Variants in PADI3 observed in about 807,000 individuals in gnomAD.
PADI3 encodes the protein peptidyl arginine deiminase 3.
PADI3 carries 53 observed loss-of-function variants against 71.5 expected under a neutral mutation model. The ratio of observed to expected loss-of-function variants is 0.74; its 90% CI spans 0.59 to 0.93. PADI3 has a LOEUF of 0.93. Among genes scored for constraint, PADI3 ranks in the 40% least tolerant of loss-of-function variants. The probability of loss-of-function intolerance (pLI) is 0.00; values close to 1 mark genes in which losing one functional copy is unlikely to be tolerated. For synonymous variants in PADI3, 361 were observed against 347.5 expected (o/e 1.04, Z -0.43); for missense variants, 821 against 868.0 (o/e 0.95, Z 0.68).
chr1:17,260,185 C>T (rs544899559), intron 2 of PADI3, among the ~76,000 whole-genome samples: 1 of 152,118 alleles, frequency 6.6e-6, no homozygotes. Context: ...AGAGAGAAAG[C>T]AGGGACAGGG....
chr1:17,255,765 C>T lies in PADI3; in HGVS notation c.93-3813C>T, dbSNP rs115713138. Among the ~76,000 whole-genome samples, 1,510 of 152,286 alleles carry T rather than the reference C, an allele frequency of 9.9e-3. 29 individuals are homozygous for T. Among genetic ancestry groups the T allele is most frequent in the African/African-American group, 0.034 (1,420 of 41,546 alleles). ...AAATGAGGGCATGACTTTTGCTCAT[C>T]CTGAGTGCTTTACCCACACTGGTTC... is the stretch of plus-strand genomic sequence containing the variant. On this transcript the variant is annotated intron_variant, in intron 1 of 15. Transcript: ENST00000375460.
intron 13 of PADI3, among the ~76,000 whole-genome samples, chr1:17,278,342 C>A (rs1003440075): frequency 6.6e-6 from 1 of 152,112 alleles, no homozygotes; most frequent in Admixed American, 6.5e-5. Flanking sequence ...AGTCTCCCAC[C>A]GCAGCCTTGC....
intron 15 of PADI3, 68 bp from the exon 16 acceptor site, chr1:17,282,778 C>T (rs1337408527): frequency 4.2e-6 from 5 of 1,189,436 alleles, no homozygotes; most frequent in Non-Finnish European, 6.0e-6. Flanking sequence ...AACCTAGGTC[C>T]TGCAGGTAGA....
At chr1:17,250,625 A>G (rs1020804908) in intron 1 of PADI3, among the ~76,000 whole-genome samples, 14 of 152,022 alleles carry the variant, frequency 9.2e-5, no homozygotes, top group Non-Finnish European at 1.6e-4. Flanking sequence ...CAGTAGGAGG[A>G]GGAAGGGGAT....
rs1296321664 is a variant in PADI3 at position 17,274,751 on chromosome 1, C to A, written c.1272C>A (p.Pro424=). 1 of 1,613,908 alleles carries A rather than the reference C, an allele frequency of 6.2e-7. No individual in the cohort carries two copies. The highest frequency in any genetic ancestry group is 1.1e-5 in the South Asian group (1 of 91,052). ...PPVVANGKEY[P]LGRILIGGNL... ...TGGTGGCCAATGGGAAAGAGTACCC[C>A]CTGGGGAGGATCCTCATTGGGGGCA... Residue 424 remains proline (P), a synonymous_variant, in exon 11 of 16, where the codon CCC becomes CCA. Coordinates refer to ENST00000375460, the MANE Select transcript of PADI3 (RefSeq NM_016233.2).
rs949512300 is a variant in PADI3, at chr1:17,276,650, C to T, written c.1439C>T (p.Ala480Val). ...GATGAGTTTCTGAGCTTTGTCCCTG[C>T]CCCCGATGGGAAGGTAAGAACTTCG... ...HVDEFLSFVPAPDGKGFRMLL... is the reference protein window; with the variant it reads ...HVDEFLSFVPVPDGKGFRMLL... The change falls in exon 12 of 16, where the codon GCC becomes GTC. Residue 480 changes from alanine to valine, a missense_variant. Physicochemically the swap from Ala to Val is moderately conservative, Grantham distance 64 (BLOSUM62 0). Transcript: ENST00000375460. 3 of 1,613,910 alleles carry T rather than the reference C, an allele frequency of 1.9e-6. No individual in the cohort carries two copies. The African/African-American group carries it at 4.0e-5, about 22-fold the overall frequency.
At chr1:17,276,172 T>C (rs2073327449) in intron 11 of PADI3, among the ~76,000 whole-genome samples, 1 of 152,048 alleles carries the variant, frequency 6.6e-6, no homozygotes, top group Non-Finnish European at 1.5e-5. Context: ...CCATCTCTAG[T>C]AAAAATACAG....
In PADI3 at chr1:17,281,838, C is replaced by T. The variant is rs112124228; in HGVS notation, c.1762-1008C>T. On this transcript the variant is annotated intron_variant, in intron 15 of 15. Transcript: ENST00000375460. ...GTCCTGATTCAGCAGGTCTAAAGCA[C>T]GGCCCGAGGCACTGCTGCCGCGCTA... Among the ~76,000 whole-genome samples the T allele has an allele frequency of 2.2e-3, 329 of 152,308 alleles. 2 individuals carry two copies. The highest frequency in any genetic ancestry group is 7.4e-3 in the African/African-American group (308 of 41,574).
In PADI3 at chr1:17,282,935, G is replaced by A; in HGVS notation, c.1851G>A (p.Val617=). Residue 617 remains valine (V), a synonymous_variant, in exon 16 of 16, where the codon GTG becomes GTA. Transcript: ENST00000375460. ...GCTGCTGCTGCCTGGAGGAGAAGGT[G>A]CGGTCCCTGCTGGAGCCGCTGGGCC... ...INGCCCLEEK[V]RSLLEPLGLH... 1.9e-6 allele frequency: 3 copies of A among 1,614,170 alleles called. No individual in the cohort carries two copies. Among genetic ancestry groups the A allele is most frequent in the Non-Finnish European group, 1.7e-6 (2 of 1,180,002 alleles).
intron 3 of PADI3, 29 bp downstream of exon 3, chr1:17,262,234 GC>G: frequency 6.5e-7 from 1 of 1,534,958 alleles, no homozygotes; most frequent in Non-Finnish European, 8.9e-7. Context: ...TGATGGTGTG[GC>G]CAAGGGCACA....
chr1:17,256,763 G>A (rs75200819), intron 1 of PADI3, among the ~76,000 whole-genome samples: 10,539 of 152,244 alleles, frequency 0.069, 461 homozygotes, highest in African/African-American at 0.11. Flanking sequence ...TCAGCCAGGC[G>A]CGGTGGCTCG....
chr1:17,282,122 G>A (rs760254767), intron 15 of PADI3, among the ~76,000 whole-genome samples: 1 of 152,068 alleles, frequency 6.6e-6, no homozygotes, highest in African/African-American at 2.4e-5. Flanking sequence ...TCCTGTTCGA[G>A]GCTATCTTGT....
At position 17,270,962 on chromosome 1, in the gene PADI3, C is replaced by G; in HGVS notation, c.915C>G (p.Pro305=). 10 of 1,614,092 alleles carry G rather than the reference C, an allele frequency of 6.2e-6. No homozygotes were observed. Among genetic ancestry groups the G allele is most frequent in the Non-Finnish European group, 8.5e-6 (10 of 1,179,984 alleles). ...PWIMTPSTLP[P]LEVYVCRVRN... ...TCATGACGCCCAGCACTCTGCCACCCCTAGAGGTGTATGTGTGCCGGTGAG... is the reference window on the plus strand; with the variant it reads ...TCATGACGCCCAGCACTCTGCCACCGCTAGAGGTGTATGTGTGCCGGTGAG... The change falls in exon 8 of 16, where the codon CCC becomes CCG. Residue 305 remains proline (P), a synonymous_variant. Transcript: ENST00000375460.
At chr1:17,265,278 ACATCTGTTTGACAC>A (rs1162907882) in intron 3 of PADI3, among the ~76,000 whole-genome samples, 1 of 152,116 alleles carries the variant, frequency 6.6e-6, no homozygotes, top group Non-Finnish European at 1.5e-5. Flanking sequence ...GTTTGTGTTC[ACATCTGTTTGACAC>A]CAAAGTCCAG....
intron 11 of PADI3, among the ~76,000 whole-genome samples, chr1:17,275,891 T>A (rs3003435): frequency 0.21 from 31,536 of 152,054 alleles, 3,527 homozygotes; most frequent in African/African-American, 0.3. Context: ...AACATGGGGG[T>A]GAAATCTGTC....
At chr1:17,250,665 C>T (rs982148260) in intron 1 of PADI3, among the ~76,000 whole-genome samples, 8 of 152,110 alleles carry the variant, frequency 5.3e-5, no homozygotes, top group Admixed American at 1.3e-4. Context: ...GGGGCAGCCA[C>T]GGAGGCTGTG....
Position 17,255,577 on chromosome 1 carries a change from G to C in PADI3, c.93-4001G>C, listed in dbSNP as rs571411874. 1.4e-4 allele frequency among the ~76,000 whole-genome samples: 21 copies of C among 152,290 alleles called. 1 individual carries two copies. The East Asian group carries it at 3.7e-3, about 27-fold the overall frequency. On this transcript the variant is annotated intron_variant, in intron 1 of 15. Transcript: ENST00000375460. ...TACTTCCCCTGTTCTCTAGGAAATG[G>C]GAAGCTAGATCCTCCCGTACCTGAT... is the stretch of plus-strand genomic sequence containing the variant.
At chr1:17,262,867 G>A (rs1036715439) in intron 3 of PADI3, among the ~76,000 whole-genome samples, 1 of 152,164 alleles carries the variant, frequency 6.6e-6, no homozygotes, top group Non-Finnish European at 1.5e-5. Context: ...GTATCAAACA[G>A]TCTAAATTCA....
At chr1:17,270,164 C>T (rs1425086734) in intron 6 of PADI3, 69 bp from the exon 7 acceptor site, 2 of 1,516,418 alleles carry the variant, frequency 1.3e-6, no homozygotes, top group African/African-American at 1.4e-5. Flanking sequence ...AGACCTCTTC[C>T]TGTGTCCCTC....
Sources: allele counts gnomAD v4.1 joint callset (sites outside exome capture counted in the v4.1 genomes callset), GRCh38; gene constraint gnomAD v4.1.1; transcripts MANE v1.5; gene names NCBI Gene and HGNC (gene_info 2026-07-23, HGNC 2026-07-21).